ARL15: variants seen among roughly 807,000 people sequenced by gnomAD.
ARL15 encodes the protein ARF like GTPase 15, also known as ADP-ribosylation factor-like protein 15.
A neutral mutation model predicts 25.2 loss-of-function variants in ARL15; 19 were observed. The ratio of observed to expected loss-of-function variants is 0.75; its 90% CI spans 0.53 to 1.10. The LOEUF is 1.10. ARL15 is among the 50% of genes least tolerant of loss of function. The pLI is 0.00. For missense variants in ARL15, 220 were observed against 246.0 expected, an observed-to-expected ratio of 0.89 and a Z score of 0.71; for synonymous variants, 94 against 86.8, an observed-to-expected ratio of 1.08 and a Z score of -0.46.
intron 4 of ARL15, among the ~76,000 whole-genome samples, chr5:53,996,856 G>A (rs952478699): frequency 1.3e-5 from 2 of 152,100 alleles, no homozygotes; most frequent in Admixed American, 6.5e-5. Context: ...TGTACCTTAC[G>A]CCTGAAGGCA....
chr5:54,194,269 T>C (rs1261636713), intron 1 of ARL15, among the ~76,000 whole-genome samples: 1 of 152,046 alleles, frequency 6.6e-6, no homozygotes, highest in African/African-American at 2.4e-5. Flanking sequence ...CACTGCGATG[T>C]TCATTTTGAA....
chr5:54,253,710 C>T (rs1456041132), intron 1 of ARL15, among the ~76,000 whole-genome samples: 3 of 152,080 alleles, frequency 2.0e-5, no homozygotes, highest in Non-Finnish European at 4.4e-5. Context: ...CCCACCTCAG[C>T]CTCCCAAGTA....
At chr5:54,236,455 GT>G in intron 1 of ARL15, among the ~76,000 whole-genome samples, 1 of 150,194 alleles carries the variant, frequency 6.7e-6, no homozygotes. Flanking sequence ...CAAATCAGTA[GT>G]ATTACCAAAC....
chr5:54,059,602 A>G (rs1751001576), intron 4 of ARL15, among the ~76,000 whole-genome samples: 1 of 152,214 alleles, frequency 6.6e-6, no homozygotes, highest in African/African-American at 2.4e-5. Context: ...GTCTGGAAAG[A>G]TATACACTAA....
chr5:53,947,729 A>G (rs1746796956), intron 4 of ARL15, among the ~76,000 whole-genome samples: 1 of 152,188 alleles, frequency 6.6e-6, no homozygotes, highest in African/African-American at 2.4e-5. Flanking sequence ...GTTAAAAAGC[A>G]AGACAAGGAC....
intron 4 of ARL15, among the ~76,000 whole-genome samples, chr5:54,017,337 T>A (rs1007696545): frequency 1.3e-5 from 2 of 152,118 alleles, no homozygotes; most frequent in African/African-American, 2.4e-5. Context: ...TGAATGTGCT[T>A]TGGTGTTTTC....
chr5:54,142,788 A>G (rs887504244), intron 3 of ARL15, among the ~76,000 whole-genome samples: 1 of 152,104 alleles, frequency 6.6e-6, no homozygotes, highest in African/African-American at 2.4e-5. Context: ...CAATTTACCA[A>G]TTTTCCTTTT....
intron 4 of ARL15, among the ~76,000 whole-genome samples, chr5:54,065,262 C>A (rs767409788): frequency 8.5e-5 from 13 of 152,076 alleles, no homozygotes; most frequent in Admixed American, 1.3e-4. Context: ...GTCATTAATG[C>A]ATATATATTA....
chr5:54,106,855 T>A (rs966803831), intron 4 of ARL15, among the ~76,000 whole-genome samples: 1 of 152,026 alleles, frequency 6.6e-6, no homozygotes, highest in African/African-American at 2.4e-5. Context: ...GGCGAAATTC[T>A]AATATTATGA....
chr5:54,163,065 T>C (rs1179882894), intron 2 of ARL15, among the ~76,000 whole-genome samples: 2 of 152,112 alleles, frequency 1.3e-5, no homozygotes, highest in Non-Finnish European at 2.9e-5. Flanking sequence ...ACAGTTGAGG[T>C]AATTCCTTTC....
chr5:54,100,217 A>G (rs191251072), intron 4 of ARL15, among the ~76,000 whole-genome samples: 17 of 152,318 alleles, frequency 1.1e-4, no homozygotes, highest in East Asian at 5.8e-4. Context: ...TTATTTAGAG[A>G]CACATGTATA....
At chr5:53,899,974 A>G (rs1745011843) in intron 4 of ARL15, among the ~76,000 whole-genome samples, 1 of 152,240 alleles carries the variant, frequency 6.6e-6, no homozygotes, top group Admixed American at 6.5e-5. Context: ...GTACCAAATT[A>G]TGAGTAACTG....
chr5:53,998,486 A>AGGCACTGCGGTTC (rs1296313897), intron 4 of ARL15, among the ~76,000 whole-genome samples: 2 of 152,136 alleles, frequency 1.3e-5, no homozygotes, highest in Admixed American at 6.5e-5. Context: ...ACTGTATACA[A>AGGCACTGCGGTTC]GGCACTGCGG....
At chr5:53,888,817 A>C (rs1744624757) in intron 4 of ARL15, among the ~76,000 whole-genome samples, 1 of 152,180 alleles carries the variant, frequency 6.6e-6, no homozygotes, top group African/African-American at 2.4e-5. Context: ...ATCCTGGCTA[A>C]GTCCACCCTT....
intron 3 of ARL15, among the ~76,000 whole-genome samples, chr5:54,118,462 CTTA>C (rs1344016610): frequency 6.6e-6 from 1 of 152,118 alleles, no homozygotes; most frequent in South Asian, 2.1e-4. Flanking sequence ...ATGTTATGAG[CTTA>C]TTATTCTTTT....
chr5:54,004,041 C>T (rs1003381243), intron 4 of ARL15, among the ~76,000 whole-genome samples: 1 of 152,172 alleles, frequency 6.6e-6, no homozygotes, highest in East Asian at 1.9e-4. Context: ...AAAAGCCTTA[C>T]TTTTGCACTT....
chr5:54,068,563 A>C (rs909565389), intron 4 of ARL15, among the ~76,000 whole-genome samples: 1 of 152,216 alleles, frequency 6.6e-6, no homozygotes. Context: ...AAGAGATCCC[A>C]GTCCTGTAGA....
intron 4 of ARL15, among the ~76,000 whole-genome samples, chr5:53,988,018 G>A (rs1177364604): frequency 6.6e-6 from 1 of 152,052 alleles, no homozygotes; most frequent in Non-Finnish European, 1.5e-5. Context: ...CAGGAGAATG[G>A]CATGAACCCG....
intron 4 of ARL15, among the ~76,000 whole-genome samples, chr5:53,941,183 G>A (rs1007162876): frequency 1.3e-5 from 2 of 151,610 alleles, no homozygotes; most frequent in Non-Finnish European, 2.9e-5. Context: ...CTTTACTTCT[G>A]TATAAGCTTT....
Sources: allele counts gnomAD v4.1 joint callset (sites outside exome capture counted in the v4.1 genomes callset), GRCh38; gene constraint gnomAD v4.1.1; transcripts MANE v1.5; gene names NCBI Gene and HGNC (gene_info 2026-07-23, HGNC 2026-07-21).